Variants in DEPTOR observed in about 807,000 individuals in gnomAD.
DEPTOR encodes the protein DEP domain-containing mTOR-interacting protein.
In DEPTOR, 41 loss-of-function variants were observed where a neutral mutation model predicts 41.6. That is an observed-to-expected ratio of 0.98 (90% confidence interval 0.77 to 1.28). The LOEUF is 1.28. Ranked by LOEUF, DEPTOR falls within the 50% of genes most tolerant of loss-of-function variation. The pLI is 0.00. For synonymous variants in DEPTOR, 195 were observed against 192.3 expected (o/e 1.01, Z -0.12); for missense variants, 514 against 527.9 (o/e 0.97, Z 0.26).
intron 3 of DEPTOR, among the ~76,000 whole-genome samples, chr8:119,942,333 G>A (rs1828214234): frequency 6.6e-6 from 1 of 152,190 alleles, no homozygotes; most frequent in Admixed American, 6.5e-5. Context: ...AACCTTGTGA[G>A]TAGTTGGGAC....
At position 120,049,601 on chromosome 8, in the gene DEPTOR, A is replaced by T; in HGVS notation, c.1127A>T (p.Asn376Ile). 6.2e-7 allele frequency: 1 copy of T among 1,613,738 alleles called. No individual in the cohort carries two copies. The highest frequency in any genetic ancestry group is 8.5e-7 in the Non-Finnish European group (1 of 1,179,812). ...GTCTGTCAGTTTGTCGTCTCTGTCA[A>T]CGGGCTCAATGTCCTGCATGTAGAC... The part of the protein sequence containing the change: ...MKVCQFVVSV[N>I]GLNVLHVDYR... The change falls in exon 9 of 9, where the codon AAC becomes ATC. Residue 376 changes from asparagine to isoleucine, a missense_variant. Coordinates refer to ENST00000286234, the MANE Select transcript of DEPTOR (RefSeq NM_022783.4).
At chr8:119,908,099 C>T (rs1013977354) in intron 1 of DEPTOR, among the ~76,000 whole-genome samples, 3 of 152,008 alleles carry the variant, frequency 2.0e-5, no homozygotes, top group South Asian at 2.1e-4. Context: ...AAGTGGAGGC[C>T]GAAGGAGTCC....
At chr8:119,968,262 A>G (rs1242827973) in intron 4 of DEPTOR, among the ~76,000 whole-genome samples, 1 of 152,180 alleles carries the variant, frequency 6.6e-6, no homozygotes, top group Non-Finnish European at 1.5e-5. Context: ...TCTATGAGGT[A>G]GATATTCTTT....
At chr8:119,982,154 A>G (rs11984766) in intron 4 of DEPTOR, among the ~76,000 whole-genome samples, 64,255 of 151,798 alleles carry the variant, frequency 0.42, 13,940 homozygotes, top group Admixed American at 0.52. Flanking sequence ...TGGTTTCTAC[A>G]TATTTATTAC....
chr8:120,030,504 T>TTTTTTTG (rs1812873434), intron 8 of DEPTOR, among the ~76,000 whole-genome samples: 2 of 111,928 alleles, frequency 1.8e-5, no homozygotes, highest in Non-Finnish European at 3.7e-5. Context: ...TCAGTTTTTT[T>TTTTTTTG]TTTTTTTTTT....
intron 1 of DEPTOR, among the ~76,000 whole-genome samples, chr8:119,875,324 G>A (rs73703114): frequency 0.29 from 43,713 of 151,888 alleles, 6,705 homozygotes; most frequent in African/African-American, 0.35. Flanking sequence ...TATAGGAGTT[G>A]GGTAGATGAT....
At chr8:119,878,749 A>T (rs1051943261) in intron 1 of DEPTOR, among the ~76,000 whole-genome samples, 3 of 151,974 alleles carry the variant, frequency 2.0e-5, no homozygotes, top group African/African-American at 2.4e-5. Context: ...AATTTTCTTC[A>T]TGTTTTTCCC....
chr8:119,992,970 A>T (rs1480496617), intron 4 of DEPTOR, among the ~76,000 whole-genome samples: 1 of 152,102 alleles, frequency 6.6e-6, no homozygotes, highest in Non-Finnish European at 1.5e-5. Flanking sequence ...ATAGTTTTAT[A>T]TTCAGGAGAA....
chr8:119,995,397 C>T (rs1254366044), intron 4 of DEPTOR, among the ~76,000 whole-genome samples: 1 of 151,976 alleles, frequency 6.6e-6, no homozygotes, highest in Non-Finnish European at 1.5e-5. Flanking sequence ...ACCAGCCTGG[C>T]CAACATGGTG....
At chr8:119,921,416 T>C (rs2077570815) in intron 1 of DEPTOR, among the ~76,000 whole-genome samples, 4 of 152,220 alleles carry the variant, frequency 2.6e-5, no homozygotes, top group African/African-American at 9.6e-5. Flanking sequence ...TTCTGGAATA[T>C]ACAATTTTCA....
At chr8:120,018,969 A>T (rs1812654512) in intron 8 of DEPTOR, among the ~76,000 whole-genome samples, 2 of 152,166 alleles carry the variant, frequency 1.3e-5, no homozygotes, top group Admixed American at 1.3e-4. Flanking sequence ...TTAGACCTTC[A>T]TGGGGTTTAT....
At chr8:119,926,683 A>G (rs1467015200) in intron 1 of DEPTOR, among the ~76,000 whole-genome samples, 2 of 152,140 alleles carry the variant, frequency 1.3e-5, no homozygotes, top group African/African-American at 4.8e-5. Flanking sequence ...TTCTGGGTCT[A>G]CTGGATACCT....
At chr8:120,019,982 C>T (rs1418825119) in intron 8 of DEPTOR, among the ~76,000 whole-genome samples, 2 of 152,120 alleles carry the variant, frequency 1.3e-5, no homozygotes, top group Non-Finnish European at 2.9e-5. Context: ...TCACCTTCAC[C>T]CCGGTATCCC....
chr8:120,034,097 T>C (rs1812936186), intron 8 of DEPTOR, among the ~76,000 whole-genome samples: 1 of 152,034 alleles, frequency 6.6e-6, no homozygotes, highest in South Asian at 2.1e-4. Flanking sequence ...CTTGGCTCTC[T>C]CCCCTGGGGG....
At chr8:119,927,712 G>A (rs192620418) in intron 1 of DEPTOR, among the ~76,000 whole-genome samples, 2 of 151,664 alleles carry the variant, frequency 1.3e-5, no homozygotes, top group Non-Finnish European at 2.9e-5. Flanking sequence ...AGGTTCAAGC[G>A]ATTCTCCTGC....
rs1338831099 is a variant in DEPTOR, at chr8:119,961,322, AGGAGAATCGCTTGAACCT to A, written c.426-3907_426-3890del. ...TCCCAGCTACTTGGGAGGCTGAGGC[AGGAGAATCGCTTGAACCT>A]GGGAGGTAGAGGTTGCGGTGAGCTG... On this transcript the variant is annotated intron_variant, in intron 3 of 8. Transcript: ENST00000286234. Among the ~76,000 whole-genome samples the A allele has an allele frequency of 5.3e-5, 8 of 151,252 alleles. No homozygotes were observed. The Admixed American group carries it at 5.3e-4, about 10-fold the overall frequency.
At chr8:119,946,754 A>T (rs966923857) in intron 3 of DEPTOR, among the ~76,000 whole-genome samples, 1 of 152,224 alleles carries the variant, frequency 6.6e-6, no homozygotes, top group Non-Finnish European at 1.5e-5. Flanking sequence ...AATAAAAAAA[A>T]AAGTTCTCTG....
At chr8:119,960,581 G>A (rs1208043471) in intron 3 of DEPTOR, among the ~76,000 whole-genome samples, 2 of 152,144 alleles carry the variant, frequency 1.3e-5, no homozygotes, top group Non-Finnish European at 1.5e-5. Flanking sequence ...TAGGTACAAT[G>A]ATTACTTACA....
intron 4 of DEPTOR, among the ~76,000 whole-genome samples, chr8:119,978,006 C>G (rs1828717977): frequency 6.6e-6 from 1 of 152,042 alleles, no homozygotes; most frequent in African/African-American, 2.4e-5. Flanking sequence ...TATTTCTTTC[C>G]TTCTTGACAT....
Sources: gnomAD v4.1 joint callset for allele counts (sites outside exome capture counted in the v4.1 genomes callset) on GRCh38, gnomAD v4.1.1 for gene constraint, MANE v1.5 for transcripts, NCBI Gene and HGNC (gene_info 2026-07-23, HGNC 2026-07-21) for gene names.